Variants in KALRN observed in about 807,000 individuals in gnomAD.
KALRN encodes kalirin.
Under a neutral mutation model 353.7 loss-of-function variants are expected in KALRN, and 70 were observed. That is an observed-to-expected ratio of 0.20 (90% CI 0.16 to 0.24). The LOEUF (loss-of-function observed/expected upper bound fraction) is 0.24, where lower values mean the gene tolerates loss of function less well. Among genes scored for constraint, KALRN ranks in the 10% least tolerant of loss-of-function variants. The pLI is 1.00. For missense variants in KALRN, 2,791 were observed against 3,756.7 expected, an observed-to-expected ratio of 0.74 and a Z score of 6.72; for synonymous variants, 1,391 against 1,434.8, an observed-to-expected ratio of 0.97 and a Z score of 0.69.
At chr3:124,226,222 A>G (rs982083739) in intron 1 of KALRN, among the ~76,000 whole-genome samples, 1 of 152,186 alleles carries the variant, frequency 6.6e-6, no homozygotes, top group Admixed American at 6.5e-5. Context: ...AAAATACTTT[A>G]TATATCTATT....
At chr3:124,186,317 G>T (rs2074226844) in intron 1 of KALRN, among the ~76,000 whole-genome samples, 1 of 152,144 alleles carries the variant, frequency 6.6e-6, no homozygotes, top group Non-Finnish European at 1.5e-5. Context: ...CTCAAGCCAG[G>T]CTTCCTGAGT....
At chr3:124,560,169 GTGCCATGC>G (rs1461764855) in intron 33 of KALRN, among the ~76,000 whole-genome samples, 2 of 152,254 alleles carry the variant, frequency 1.3e-5, no homozygotes, top group Admixed American at 1.3e-4. Flanking sequence ...TTGTATCTGG[GTGCCATGC>G]TGGGCTGTTT....
At chr3:124,524,675 A>G (rs762281039) in intron 33 of KALRN, among the ~76,000 whole-genome samples, 24 of 152,226 alleles carry the variant, frequency 1.6e-4, no homozygotes, top group Non-Finnish European at 2.9e-5. Context: ...AGAACCCATA[A>G]GAAAGATTCA....
chr3:124,422,043 T>C (rs1045400655), intron 14 of KALRN, among the ~76,000 whole-genome samples: 2 of 152,210 alleles, frequency 1.3e-5, no homozygotes, highest in Non-Finnish European at 2.9e-5. Flanking sequence ...AGCTTACTAA[T>C]TGTAAATCAG....
At chr3:124,585,118 G>A (rs940899751) in intron 34 of KALRN, among the ~76,000 whole-genome samples, 2 of 152,240 alleles carry the variant, frequency 1.3e-5, no homozygotes, top group African/African-American at 4.8e-5. Flanking sequence ...TGGCGGTGAG[G>A]TTCTGACTTG....
intron 1 of KALRN, among the ~76,000 whole-genome samples, chr3:124,201,542 C>A (rs1390324295): frequency 6.6e-6 from 1 of 151,700 alleles, no homozygotes; most frequent in African/African-American, 2.4e-5. Context: ...AAATAGAATC[C>A]TTTGGAAAAA....
intron 1 of KALRN, among the ~76,000 whole-genome samples, chr3:124,211,107 C>T (rs1222621227): frequency 6.6e-6 from 1 of 152,190 alleles, no homozygotes; most frequent in African/African-American, 2.4e-5. Context: ...TACAGCTGAG[C>T]CCAGTGGCAA....
At chr3:124,300,370 A>G (rs1010801069) in intron 6 of KALRN, among the ~76,000 whole-genome samples, 7 of 152,148 alleles carry the variant, frequency 4.6e-5, no homozygotes, top group Non-Finnish European at 7.3e-5. Flanking sequence ...TATTGTTCCT[A>G]CCACACACCC....
intron 48 of KALRN, among the ~76,000 whole-genome samples, chr3:124,673,923 G>A (rs1290980758): frequency 6.6e-6 from 1 of 152,142 alleles, no homozygotes; most frequent in East Asian, 1.9e-4. Context: ...CTTTCAAAAA[G>A]AGAAAAATTT....
intron 33 of KALRN, among the ~76,000 whole-genome samples, chr3:124,527,610 AAAAG>A (rs1233051961): frequency 3.3e-5 from 5 of 151,976 alleles, no homozygotes; most frequent in Non-Finnish European, 7.4e-5. Flanking sequence ...TAAAAAAAAA[AAAAG>A]AAGAAGAAGA....
At chr3:124,273,661 C>T (rs910388606) in intron 5 of KALRN, among the ~76,000 whole-genome samples, 7 of 152,206 alleles carry the variant, frequency 4.6e-5, no homozygotes, top group African/African-American at 1.7e-4. Flanking sequence ...CTGTCCTAGG[C>T]ACAGCCTCTG....
chr3:124,254,095 G>A (rs2071560643), intron 3 of KALRN, among the ~76,000 whole-genome samples: 1 of 152,176 alleles, frequency 6.6e-6, no homozygotes, highest in Non-Finnish European at 1.5e-5. Context: ...CCATGAGGAG[G>A]ATGGTCCTTA....
At chr3:124,141,140 C>T (rs993538870) in intron 1 of KALRN, among the ~76,000 whole-genome samples, 2 of 152,152 alleles carry the variant, frequency 1.3e-5, no homozygotes, top group Non-Finnish European at 2.9e-5. Context: ...TTCCTGGCCA[C>T]CTCCAATGCC....
intron 5 of KALRN, among the ~76,000 whole-genome samples, chr3:124,270,333 G>A (rs1239987880): frequency 5.3e-5 from 8 of 152,142 alleles, no homozygotes; most frequent in African/African-American, 9.7e-5. Context: ...TTTAAATGAT[G>A]AAATCGAGAT....
chr3:124,330,125 G>A lies in KALRN; in HGVS notation c.1416+133G>A, dbSNP rs12633479. ...AAGAGGCTGTTTTTCTTTTTTTTTG[G>A]TGACATCTTTAGGAACCTTGATCTA... On this transcript the variant is annotated intron_variant, in intron 8 of 59. Coordinates refer to ENST00000682506, the MANE Select transcript of KALRN (RefSeq NM_001388419.1). The A allele has an allele frequency of 4.3e-5, 43 of 991,748 alleles. No homozygotes were observed. The East Asian group carries it at 8.5e-4, about 20-fold the overall frequency. The allele number at this position is 991,748 out of a possible 1,614,324, so 61.4% of individuals were successfully genotyped here.
At chr3:124,592,309 C>CAAAA (rs10575664) in intron 34 of KALRN, among the ~76,000 whole-genome samples, 32 of 120,634 alleles carry the variant, frequency 2.7e-4, no homozygotes, top group Non-Finnish European at 3.3e-4. Context: ...CTCAAAGAAA[C>CAAAA]AAAAAAAAAA....
At chr3:124,366,905 G>A (rs1294841115) in intron 10 of KALRN, among the ~76,000 whole-genome samples, 9 of 127,328 alleles carry the variant, frequency 7.1e-5, no homozygotes, top group African/African-American at 1.4e-4. Flanking sequence ...CCTCCCTCCC[G>A]GATGGGGTGG....
intron 1 of KALRN, among the ~76,000 whole-genome samples, chr3:124,118,047 G>A (rs1472386172): frequency 1.3e-5 from 2 of 152,198 alleles, no homozygotes; most frequent in East Asian, 3.9e-4. Context: ...CCTCCTCCCA[G>A]ATCCATCTTG....
chr3:124,224,093 G>C lies in KALRN; in HGVS notation c.74-3897G>C, dbSNP rs576242278. 4.6e-5 allele frequency among the ~76,000 whole-genome samples: 7 copies of C among 151,912 alleles called. No homozygotes were observed. In the East Asian group the frequency reaches 1.2e-3, roughly 25 times the overall value. ...CAGTGAAGCATGCCTTTGTCCTTAAGAAGAGGCACAACACCCACCACCCAC... is the reference window on the plus strand; with the variant it reads ...CAGTGAAGCATGCCTTTGTCCTTAACAAGAGGCACAACACCCACCACCCAC... On this transcript the variant is annotated intron_variant, in intron 1 of 59. Coordinates refer to ENST00000682506, the MANE Select transcript of KALRN (RefSeq NM_001388419.1).
Sources: gnomAD v4.1 joint callset for allele counts (sites outside exome capture counted in the v4.1 genomes callset) on GRCh38, gnomAD v4.1.1 for gene constraint, MANE v1.5 for transcripts, NCBI Gene and HGNC (gene_info 2026-07-23, HGNC 2026-07-21) for gene names.